The following ADGRV1 variants were observed in gnomAD, a reference collection of about 807,000 sequenced individuals.
ADGRV1 encodes adhesion G protein-coupled receptor V1, also known as G-protein coupled receptor 98.
ADGRV1 carries 359 observed loss-of-function variants against 596.2 expected under a neutral mutation model. The ratio of observed to expected loss-of-function variants is 0.60; its 90% CI spans 0.55 to 0.66. ADGRV1 has a LOEUF of 0.66. ADGRV1 is among the 30% of genes least tolerant of loss of function. The pLI, the probability that ADGRV1 is intolerant of heterozygous loss-of-function variation, is 0.00. For synonymous variants in ADGRV1, 2,681 were observed against 2,679.2 expected (o/e 1.00, Z -0.02); for missense variants, 7,274 against 7,575.6 (o/e 0.96, Z 1.48).
intron 33 of ADGRV1, among the ~76,000 whole-genome samples, chr5:90,696,242 C>G (rs1747180165): frequency 6.6e-6 from 1 of 152,140 alleles, no homozygotes; most frequent in Admixed American, 6.6e-5. Flanking sequence ...TAGGGACATT[C>G]TGTGGTGCCC....
intron 85 of ADGRV1, among the ~76,000 whole-genome samples, chr5:91,052,595 TG>T (rs1786447108): frequency 6.6e-6 from 1 of 151,892 alleles, no homozygotes; most frequent in Non-Finnish European, 1.5e-5. Flanking sequence ...CCACCACGCC[TG>T]GCTAATTTTT....
chr5:91,051,258 A>G (rs1786294549), intron 85 of ADGRV1, among the ~76,000 whole-genome samples: 1 of 152,232 alleles, frequency 6.6e-6, no homozygotes, highest in Non-Finnish European at 1.5e-5. Context: ...CTGATTCACA[A>G]TAATTCAACT....
chr5:90,708,095 C>T (rs1003907029), intron 38 of ADGRV1, among the ~76,000 whole-genome samples: 1 of 152,098 alleles, frequency 6.6e-6, no homozygotes, highest in African/African-American at 2.4e-5. Context: ...TGTGTACTGA[C>T]ATTATATATG....
rs139930714 is a variant in ADGRV1 at position 90,777,227 on chromosome 5, C to G, written c.12527+651C>G. ...GGGGTGCTATGTACTTTTCAACAAC[C>G]AGATCTTGTGAGAACTCTATCAGGA... On this transcript the variant is annotated intron_variant, in intron 61 of 89. Coordinates refer to ENST00000405460, the MANE Select transcript of ADGRV1 (RefSeq NM_032119.4). 1.8e-3 allele frequency among the ~76,000 whole-genome samples: 270 copies of G among 152,118 alleles called. 1 individual carries two copies. The highest frequency in any genetic ancestry group is 6.1e-3 in the African/African-American group (252 of 41,506).
intron 1 of ADGRV1, among the ~76,000 whole-genome samples, chr5:90,593,962 T>TATAC (rs1759889436): frequency 6.6e-6 from 1 of 152,202 alleles, no homozygotes; most frequent in African/African-American, 2.4e-5. Flanking sequence ...ACCACAGATG[T>TATAC]ATACATCTGC....
intron 87 of ADGRV1, among the ~76,000 whole-genome samples, chr5:91,118,871 A>C (rs1793071318): frequency 6.6e-6 from 1 of 152,002 alleles, no homozygotes; most frequent in South Asian, 2.1e-4. Flanking sequence ...ATCTCTGTGA[A>C]CTCATAGGGG....
intron 84 of ADGRV1, among the ~76,000 whole-genome samples, chr5:90,976,322 G>GTGTATA (rs1420288881): frequency 6.1e-4 from 66 of 108,616 alleles, no homozygotes; most frequent in Non-Finnish European, 7.6e-4. Context: ...GTGTGTGTGT[G>GTGTATA]TATATATATA....
chr5:90,921,714 T>C (rs1420624462), intron 83 of ADGRV1, among the ~76,000 whole-genome samples: 2 of 152,002 alleles, frequency 1.3e-5, no homozygotes, highest in Admixed American at 6.6e-5. Flanking sequence ...AAGTAAAAAC[T>C]AAGCTGCTGG....
At chr5:91,058,869 G>A (rs773800636) in intron 85 of ADGRV1, among the ~76,000 whole-genome samples, 2 of 152,134 alleles carry the variant, frequency 1.3e-5, no homozygotes, top group Non-Finnish European at 2.9e-5. Context: ...CTGCTGATCG[G>A]TAAAGAACTC....
intron 83 of ADGRV1, among the ~76,000 whole-genome samples, chr5:90,951,752 A>G (rs1221601656): frequency 1.3e-5 from 2 of 152,210 alleles, no homozygotes; most frequent in South Asian, 2.1e-4. Flanking sequence ...CTATATAGTA[A>G]TTATCAGATC....
intron 86 of ADGRV1, among the ~76,000 whole-genome samples, chr5:91,086,754 G>T (rs1280087096): frequency 6.6e-6 from 1 of 152,128 alleles, no homozygotes; most frequent in Non-Finnish European, 1.5e-5. Flanking sequence ...TCATTACTGA[G>T]ACCACAGCAA....
At chr5:90,626,938 A>G (rs1044523820) in intron 6 of ADGRV1, among the ~76,000 whole-genome samples, 2 of 152,190 alleles carry the variant, frequency 1.3e-5, no homozygotes, top group African/African-American at 2.4e-5. Context: ...GGAGTTATCT[A>G]AGGACCAGTT....
Position 90,582,214 on chromosome 5 carries a change from C to T in ADGRV1, c.22+23297C>T, listed in dbSNP as rs1399747231. ...TAGATGTATATTAGGTCTAATTGCTCAAGTGTTAAGCTTAATTCCAGAATT... is the reference window on the plus strand; with the variant it reads ...TAGATGTATATTAGGTCTAATTGCTTAAGTGTTAAGCTTAATTCCAGAATT... On this transcript the variant is annotated intron_variant, in intron 1 of 89. Coordinates refer to ENST00000405460, the MANE Select transcript of ADGRV1 (RefSeq NM_032119.4). 6.0e-5 allele frequency among the ~76,000 whole-genome samples: 9 copies of T among 150,660 alleles called. No individual in the cohort carries two copies. In the East Asian group the frequency reaches 1.8e-3, roughly 29 times the overall value.
Position 91,099,672 on chromosome 5 carries a change from G to A in ADGRV1, c.18311-2547G>A, listed in dbSNP as rs1176393858. On this transcript the variant is annotated intron_variant, in intron 86 of 89. Coordinates refer to ENST00000405460, the MANE Select transcript of ADGRV1 (RefSeq NM_032119.4). ...TGTAATCCCAGCATTTCGAGAGGCC[G>A]AGGTGGGCAGATCACCTGAGTCCAG... Among the ~76,000 whole-genome samples, 14 of 152,118 alleles carry A rather than the reference G, an allele frequency of 9.2e-5. 1 individual carries two copies. Among genetic ancestry groups the A allele is most frequent in the East Asian group, 1.9e-4 (1 of 5,182 alleles).
At chr5:90,622,517 G>C (rs16868864) in intron 4 of ADGRV1, 80 bp from the exon 5 acceptor site, 1 of 479,554 alleles carries the variant, frequency 2.1e-6, no homozygotes, top group African/African-American at 2.0e-5. Flanking sequence ...GAAATTGAGC[G>C]TTTCTGAGGT....
chr5:90,727,181 G>A (rs1279170930), intron 48 of ADGRV1, among the ~76,000 whole-genome samples: 1 of 152,054 alleles, frequency 6.6e-6, no homozygotes, highest in Admixed American at 6.5e-5. Flanking sequence ...TTGACCTCCT[G>A]GGCTCTGGTG....
chr5:90,764,589 C>T (rs1199815166), intron 59 of ADGRV1, among the ~76,000 whole-genome samples: 1 of 152,194 alleles, frequency 6.6e-6, no homozygotes, highest in Non-Finnish European at 1.5e-5. Context: ...GCCTGCATTT[C>T]CTTTGTCCCA....
intron 86 of ADGRV1, among the ~76,000 whole-genome samples, chr5:91,079,423 T>C (rs987713872): frequency 6.6e-6 from 1 of 152,234 alleles, no homozygotes; most frequent in Non-Finnish European, 1.5e-5. Flanking sequence ...CGAAGATTCA[T>C]ATCAGAAATC....
rs181678082 is a variant in ADGRV1, at chr5:91,018,854, A to G, written c.18152+33332A>G. On this transcript the variant is annotated intron_variant, in intron 85 of 89. Coordinates refer to ENST00000405460, the MANE Select transcript of ADGRV1 (RefSeq NM_032119.4). ...AGTTGGCGAATGACTGGCTTCAATC[A>G]TTGCTGAATTCAGAGGTTCAAGATG... Among the ~76,000 whole-genome samples, 534 of 152,058 alleles carry G rather than the reference A, an allele frequency of 3.5e-3. 2 individuals are homozygous for G. The highest frequency in any genetic ancestry group is 6.6e-3 in the Admixed American group (101 of 15,244).
Sources: gnomAD v4.1 joint callset for allele counts (sites outside exome capture counted in the v4.1 genomes callset) on GRCh38, gnomAD v4.1.1 for gene constraint, MANE v1.5 for transcripts, NCBI Gene and HGNC (gene_info 2026-07-23, HGNC 2026-07-21) for gene names.